The following PPM1F variants were observed in gnomAD, a reference collection of about 807,000 sequenced individuals.
PPM1F encodes protein phosphatase 1F.
A neutral mutation model predicts 35.5 loss-of-function variants in PPM1F; 17 were observed. The observed-to-expected ratio is 0.48, with a 90% CI of 0.33 to 0.72. The LOEUF (loss-of-function observed/expected upper bound fraction) is 0.72. PPM1F is among the 30% of genes least tolerant of loss of function. The pLI is 0.02. For missense variants in PPM1F, 521 were observed against 613.0 expected, an observed-to-expected ratio of 0.85 and a Z score of 1.59; for synonymous variants, 241 against 255.5, an observed-to-expected ratio of 0.94 and a Z score of 0.54.
chr22:21,945,711 G>A (rs1327368234), intron 2 of PPM1F, 132 bp downstream of exon 2: 3 of 886,322 alleles, frequency 3.4e-6, no homozygotes, highest in African/African-American at 1.7e-5. Flanking sequence ...GTTCCACATG[G>A]TGCTGCATAG....
intron 3 of PPM1F, 114 bp from the exon 4 acceptor site, chr22:21,934,340 G>A (rs1455126405): frequency 2.4e-5 from 19 of 785,616 alleles, no homozygotes; most frequent in Middle Eastern, 6.0e-4. Flanking sequence ...ACCTCCCGGG[G>A]CATTGTGAGC....
At chr22:21,950,281 G>A (rs2070821566) in intron 1 of PPM1F, 1 of 151,790 alleles carries the variant, frequency 6.6e-6, no homozygotes. Context: ...TGCCTCCCGA[G>A]ATCTCTCAGA....
chr22:21,944,748 A>G (rs1307397038), intron 2 of PPM1F: 1 of 152,234 alleles, frequency 6.6e-6, no homozygotes, highest in African/African-American at 2.4e-5. Flanking sequence ...TCATGGGACA[A>G]ATGCTTCCAG....
intron 1 of PPM1F, chr22:21,947,077 C>G (rs1031503164): frequency 6.6e-6 from 1 of 152,362 alleles, no homozygotes; most frequent in Admixed American, 6.5e-5. Context: ...CCTTCACTCC[C>G]TCACCGGCTT....
intron 6 of PPM1F, chr22:21,925,974 C>G (rs950125772): frequency 6.2e-6 from 2 of 322,732 alleles, no homozygotes; most frequent in Non-Finnish European, 1.1e-5. Flanking sequence ...CTTGCGAGCC[C>G]GACACAGACA....
At position 21,933,421 on chromosome 22, in the gene PPM1F, G is replaced by T. The variant is rs1325164458; in HGVS notation, c.717C>A (p.Asp239Glu). 6.2e-7 allele frequency: 1 copy of T among 1,611,964 alleles called. No individual in the cohort carries two copies. The highest frequency in any genetic ancestry group is 8.5e-7 in the Non-Finnish European group (1 of 1,179,794). The stretch of plus-strand genomic sequence containing the variant: ...GCTTGGCTTTCCTGAGAAACATCTG[G>T]TCGGTGCGCCGGAAGGCTTCTCTGA... ...GALREAFRRT[D>E]QMFLRKAKRE... Residue 239 changes from aspartate (D) to glutamate (E), a missense_variant, in exon 5 of 8, where the codon GAC becomes GAA. By Grantham distance (45) the Asp-to-Glu change is conservative. Coordinates refer to ENST00000263212, the MANE Select transcript of PPM1F (RefSeq NM_014634.4).
intron 7 of PPM1F, among the ~76,000 whole-genome samples, chr22:21,923,881 G>T (rs1177627522): frequency 5.3e-5 from 8 of 151,202 alleles, no homozygotes; most frequent in African/African-American, 1.9e-4. Context: ...GTAGAGATGG[G>T]GTTTCACCAT....
In PPM1F at chr22:21,939,490, G is replaced by A; in HGVS notation, c.355+42C>T. 2 of 1,606,770 alleles carry A rather than the reference G, an allele frequency of 1.2e-6. No homozygotes were observed. Among genetic ancestry groups the A allele is most frequent in the Non-Finnish European group, 1.7e-6 (2 of 1,176,104 alleles). The stretch of plus-strand genomic sequence containing the variant: ...ACAATGTCGTCACCCTTTGTTGCCT[G>A]CTAAGCAGCCCTGGGGCCACCTCAG... On this transcript the variant is annotated intron_variant, in intron 3 of 7. Transcript: ENST00000263212. The surrounding 1 kb of genome is among the most constrained non-coding windows in gnomAD (Gnocchi z 5.1).
At chr22:21,944,807 CCT>C (rs1296876182) in intron 2 of PPM1F, 1 of 152,246 alleles carries the variant, frequency 6.6e-6, no homozygotes, top group African/African-American at 2.4e-5. Flanking sequence ...AAGGAAAGGA[CCT>C]CTGAGTTCAG....
intron 1 of PPM1F, chr22:21,950,478 A>T (rs991699787): frequency 2.6e-5 from 4 of 151,970 alleles, no homozygotes; most frequent in African/African-American, 9.7e-5. Context: ...TAACAACTGC[A>T]GTTTTTTAGG....
intron 2 of PPM1F, chr22:21,941,943 G>A (rs1235332667): frequency 6.6e-6 from 1 of 152,278 alleles, no homozygotes; most frequent in East Asian, 1.9e-4. Flanking sequence ...AGCCATCCCT[G>A]GCTTTTCTGG....
rs559496176 is a variant in PPM1F at position 21,920,819 on chromosome 22, G to A, written c.*2273C>T. ...TCGGCAGCCAGGAACAGAATTATTA[G>A]CAAAGAAAAGAGAAAAGCAGATGCC... On this transcript the variant is annotated 3_prime_UTR_variant, in exon 8 of 8. Transcript: ENST00000263212. 1.5e-4 allele frequency: 23 copies of A among 152,344 alleles called. No individual in the cohort carries two copies. The East Asian group carries it at 4.4e-3, about 29-fold the overall frequency. The allele number at this position is 152,344 out of a possible 1,614,324, so 9.4% of individuals were successfully genotyped here.
In PPM1F at chr22:21,939,457, G is replaced by A; in HGVS notation, c.355+75C>T. The A allele has an allele frequency of 1.3e-6, 2 of 1,575,578 alleles. No homozygotes were observed. Among genetic ancestry groups the A allele is most frequent in the Non-Finnish European group, 1.7e-6 (2 of 1,157,656 alleles). Reference sequence around the variant, plus strand: ...GCACCCTTAGGGACCCCAATCAATGGGCTTCCCACAATGTCGTCACCCTTT... The same window carrying A: ...GCACCCTTAGGGACCCCAATCAATGAGCTTCCCACAATGTCGTCACCCTTT... On this transcript the variant is annotated intron_variant, in intron 3 of 7. Transcript: ENST00000263212. This position sits in a 1 kb window ranked among gnomAD's most constrained non-coding sequence, Gnocchi z 5.1.
In PPM1F at chr22:21,923,802, C is replaced by T. The variant is rs542027419; in HGVS notation, c.986-331G>A. Among the ~76,000 whole-genome samples the T allele has an allele frequency of 5.5e-4, 83 of 152,022 alleles. 1 individual carries two copies. The highest frequency in any genetic ancestry group is 2.4e-3 in the Admixed American group (36 of 15,282). On this transcript the variant is annotated intron_variant, in intron 7 of 7. Coordinates refer to ENST00000263212, the MANE Select transcript of PPM1F (RefSeq NM_014634.4). The stretch of plus-strand genomic sequence containing the variant: ...AAGCGATTCCCCTGCCTCAGCCTCC[C>T]GAGTAGCTGGGATTACAGGCTCGCG...
intron 6 of PPM1F, among the ~76,000 whole-genome samples, chr22:21,928,999 G>T (rs867219633): frequency 5.3e-5 from 8 of 152,162 alleles, no homozygotes; most frequent in African/African-American, 1.9e-4. Context: ...GCAGAGGCAG[G>T]AGACTGTTCA....
At chr22:21,933,902 G>A (rs978731882) in intron 4 of PPM1F, 122 bp downstream of exon 4, 46 of 969,956 alleles carry the variant, frequency 4.7e-5, no homozygotes, top group Non-Finnish European at 6.3e-5. Flanking sequence ...GGCAAGTACA[G>A]GGGCTGACGG....
At chr22:21,940,174 C>T (rs2070709416) in intron 2 of PPM1F, among the ~76,000 whole-genome samples, 2 of 152,078 alleles carry the variant, frequency 1.3e-5, no homozygotes, top group South Asian at 4.1e-4. Context: ...ACTGATGTCT[C>T]TATGAAAAAG....
chr22:21,921,788 A>T lies in PPM1F; in HGVS notation c.*1304T>A, dbSNP rs2145787977. The T allele has an allele frequency of 6.6e-6, 1 of 152,356 alleles. No homozygotes were observed. Among genetic ancestry groups the T allele is most frequent in the South Asian group, 2.1e-4 (1 of 4,830 alleles). 9.4% of individuals were successfully genotyped at this position (152,356 alleles called of 1,614,324 possible). A position where few individuals can be genotyped will look rare whatever the true frequency, so the allele number is the denominator to read the frequency against. ...CCCAATGAGACCAATTTGATTACAA[A>T]TTCACAAGATATTTGGGAATGTTCC... On this transcript the variant is annotated 3_prime_UTR_variant, in exon 8 of 8. Transcript: ENST00000263212.
rs144225799 is a variant in PPM1F at position 21,931,676 on chromosome 22, C to G, written c.748-385G>C. ...TACAGGCGTACAGCACCACGCCTGG[C>G]TAATTTTTTGTGTTTTTAGTAGAGA... is the stretch of plus-strand genomic sequence containing the variant. On this transcript the variant is annotated intron_variant, in intron 5 of 7. Coordinates refer to ENST00000263212, the MANE Select transcript of PPM1F (RefSeq NM_014634.4). Among the ~76,000 whole-genome samples, 629 of 152,072 alleles carry G rather than the reference C, an allele frequency of 4.1e-3. 4 individuals carry two copies. The highest frequency in any genetic ancestry group is 0.015 in the African/African-American group (602 of 41,464).
Sources: allele counts gnomAD v4.1 joint callset (sites outside exome capture counted in the v4.1 genomes callset), GRCh38; gene constraint gnomAD v4.1.1; non-coding constraint Gnocchi (gnomAD v3.1); transcripts MANE v1.5; gene names NCBI Gene and HGNC (gene_info 2026-07-23, HGNC 2026-07-21).